STAMBPL1: variants seen among roughly 807,000 people sequenced by gnomAD.
The protein encoded by STAMBPL1 is AMSH-like protease.
STAMBPL1 carries 44 observed loss-of-function variants against 52.9 expected under a neutral mutation model. That is an observed-to-expected ratio of 0.83 (90% CI 0.65 to 1.07). The LOEUF (loss-of-function observed/expected upper bound fraction) is 1.07. STAMBPL1 is among the 50% of genes least tolerant of loss of function. The probability of loss-of-function intolerance (pLI) is 0.00; values close to 1 mark genes in which losing one functional copy is unlikely to be tolerated. For missense variants in STAMBPL1, 511 were observed against 520.8 expected, an observed-to-expected ratio of 0.98 and a Z score of 0.18; for synonymous variants, 164 against 177.3, an observed-to-expected ratio of 0.92 and a Z score of 0.60.
At chr10:88,916,919 A>AT in intron 8 of STAMBPL1, 102 bp downstream of exon 8, 1 of 1,227,408 alleles carries the variant, frequency 8.1e-7, no homozygotes, top group Non-Finnish European at 1.1e-6. Flanking sequence ...CTTCTTTTTA[A>AT]TTTTTTCAAA....
chr10:88,917,098 A>C (rs1378118745), intron 8 of STAMBPL1, among the ~76,000 whole-genome samples: 2 of 152,170 alleles, frequency 1.3e-5, no homozygotes, highest in Admixed American at 6.5e-5. Context: ...TTTTTGTATC[A>C]TCTGAAGTTA....
chr10:88,895,781 G>T (rs574215765), intron 1 of STAMBPL1, among the ~76,000 whole-genome samples: 1 of 152,110 alleles, frequency 6.6e-6, no homozygotes, highest in African/African-American at 2.4e-5. Context: ...TGAGCTCTTC[G>T]TGCTAAGGGC....
At chr10:88,883,211 C>G (rs548286730) in intron 1 of STAMBPL1, among the ~76,000 whole-genome samples, 1 of 151,970 alleles carries the variant, frequency 6.6e-6, no homozygotes, top group Non-Finnish European at 1.5e-5. Flanking sequence ...ACTACATCAC[C>G]TCTTCTGCTA....
intron 7 of STAMBPL1, among the ~76,000 whole-genome samples, chr10:88,915,614 G>A (rs1337915483): frequency 6.6e-6 from 1 of 152,176 alleles, no homozygotes; most frequent in Non-Finnish European, 1.5e-5. Context: ...ATATCTAAAT[G>A]TGCCAGGCAC....
At chr10:88,906,314 A>T (rs1487329783) in intron 3 of STAMBPL1, among the ~76,000 whole-genome samples, 1 of 152,226 alleles carries the variant, frequency 6.6e-6, no homozygotes, top group African/African-American at 2.4e-5. Flanking sequence ...TTTGTTAGTG[A>T]CATATCCTAG....
intron 1 of STAMBPL1, chr10:88,893,828 G>A (rs1661204220): frequency 6.6e-6 from 1 of 152,150 alleles, no homozygotes; most frequent in Non-Finnish European, 1.5e-5. Flanking sequence ...ATGCTGAACT[G>A]AAATCTTCAT....
intron 1 of STAMBPL1, among the ~76,000 whole-genome samples, chr10:88,895,196 T>C (rs1050923554): frequency 1.3e-5 from 2 of 152,198 alleles, no homozygotes; most frequent in African/African-American, 4.8e-5. Context: ...TGAAGTCACA[T>C]GTTCAGCTGA....
chr10:88,919,311 A>C (rs1845446257), intron 8 of STAMBPL1, among the ~76,000 whole-genome samples: 1 of 152,170 alleles, frequency 6.6e-6, no homozygotes, highest in Non-Finnish European at 1.5e-5. Flanking sequence ...TGATTAGTTC[A>C]CATTATACAG....
chr10:88,908,705 A>G lies in STAMBPL1; in HGVS notation c.252A>G (p.Leu84=), dbSNP rs753438982. The G allele has an allele frequency of 1.9e-6, 3 of 1,609,130 alleles. No homozygotes were observed. The highest frequency in any genetic ancestry group is 1.7e-6 in the Non-Finnish European group (2 of 1,178,402). ...AFVLYNKFIT[L]FVEKLPNHRD... Reference sequence around the variant, plus strand: ...GGACATGTTTTCTCTTCCTTAGCTTATTTGTAGAAAAGCTTCCTAACCATC... The same window carrying G: ...GGACATGTTTTCTCTTCCTTAGCTTGTTTGTAGAAAAGCTTCCTAACCATC... The change falls in exon 4 of 11, where the codon TTA becomes TTG. Residue 84 remains leucine, a synonymous_variant. Transcript: ENST00000371926.
chr10:88,913,557 TGTA>T, intron 6 of STAMBPL1, 99 bp downstream of exon 6: 1 of 1,004,560 alleles, frequency 1.0e-6, no homozygotes, highest in South Asian at 1.6e-5. Flanking sequence ...CATTATTAAT[TGTA>T]GTAGGACCCC....
At chr10:88,903,079 A>G (rs1251312040) in intron 2 of STAMBPL1, among the ~76,000 whole-genome samples, 1 of 152,252 alleles carries the variant, frequency 6.6e-6, no homozygotes, top group African/African-American at 2.4e-5. Context: ...AGAACATTAT[A>G]TAACAATAAT....
At chr10:88,905,102 C>T (rs938698476) in intron 2 of STAMBPL1, among the ~76,000 whole-genome samples, 1 of 152,028 alleles carries the variant, frequency 6.6e-6, no homozygotes, top group African/African-American at 2.4e-5. Flanking sequence ...TTCAGATGAT[C>T]CCAGATAGAA....
chr10:88,920,013 CT>C (rs963927331), intron 8 of STAMBPL1, among the ~76,000 whole-genome samples: 39 of 151,416 alleles, frequency 2.6e-4, no homozygotes, highest in African/African-American at 8.5e-4. Context: ...ATTAAAAAAA[CT>C]TTTTTTTTGT....
At chr10:88,907,288 A>G (rs1184020886) in intron 3 of STAMBPL1, among the ~76,000 whole-genome samples, 1 of 152,222 alleles carries the variant, frequency 6.6e-6, no homozygotes, top group Non-Finnish European at 1.5e-5. Flanking sequence ...GTATGCAAAA[A>G]TTGAGATCTG....
In STAMBPL1 at chr10:88,913,185, C is replaced by T. The variant is rs781100601; in HGVS notation, c.505C>T (p.Gln169Ter). 1 of 1,613,732 alleles carries T rather than the reference C, an allele frequency of 6.2e-7. No homozygotes were observed. The highest frequency in any genetic ancestry group is 8.5e-7 in the Non-Finnish European group (1 of 1,179,804). The change falls in exon 6 of 11, where the codon CAG becomes TAG. Residue 169 changes from glutamine to a stop codon, truncating the protein, a stop_gained. Coordinates refer to ENST00000371926, the MANE Select transcript of STAMBPL1 (RefSeq NM_020799.4). LOFTEE classifies it high-confidence loss of function. ...AERKRIAQMR[Q>*]QQLESEQFLF... ...AAGGAAGCGGATTGCTCAGATGCGC[C>T]AGCAGCAGCTAGAATCGGAGCAGTT...
At chr10:88,914,753 A>G (rs1845327244) in intron 7 of STAMBPL1, 95 bp downstream of exon 7, 5 of 508,374 alleles carry the variant, frequency 9.8e-6, no homozygotes, top group Non-Finnish European at 1.4e-5. Context: ...ACAGAATAAA[A>G]CCATGCTAAG....
chr10:88,912,613 A>T (rs1034316682), intron 5 of STAMBPL1: 2 of 155,276 alleles, frequency 1.3e-5, no homozygotes, highest in Non-Finnish European at 2.8e-5. Flanking sequence ...ACTTTCCAAT[A>T]TGGTATCCAC....
chr10:88,908,944 A>G (rs1039349424), intron 4 of STAMBPL1, among the ~76,000 whole-genome samples, 167 bp downstream of exon 4: 5 of 152,218 alleles, frequency 3.3e-5, no homozygotes, highest in Non-Finnish European at 7.3e-5. Flanking sequence ...TTTAATGATC[A>G]TCACTGAGCC....
intron 1 of STAMBPL1, among the ~76,000 whole-genome samples, chr10:88,897,064 G>A (rs1424943990): frequency 6.6e-6 from 1 of 152,118 alleles, no homozygotes; most frequent in African/African-American, 2.4e-5. Context: ...AAACATTGCA[G>A]GGACACAAAA....
Sources: gnomAD v4.1 joint callset for allele counts (sites outside exome capture counted in the v4.1 genomes callset) on GRCh38, gnomAD v4.1.1 for gene constraint, MANE v1.5 for transcripts, NCBI Gene and HGNC (gene_info 2026-07-23, HGNC 2026-07-21) for gene names.